BAZ2B: variants seen among roughly 807,000 people sequenced by gnomAD.
BAZ2B encodes the protein bromodomain adjacent to zinc finger domain protein 2B.
A neutral mutation model predicts 246.0 loss-of-function variants in BAZ2B; 91 were observed. That is an observed-to-expected ratio of 0.37 (90% CI 0.31 to 0.44). The LOEUF (loss-of-function observed/expected upper bound fraction) is 0.44. Ranked by LOEUF, BAZ2B falls within the 20% of genes least tolerant of loss-of-function variation. BAZ2B has a pLI of 1.00. For missense variants in BAZ2B, 2,332 were observed against 2,533.7 expected (o/e 0.92, Z 1.71); for synonymous variants, 855 against 860.0 (o/e 0.99, Z 0.10).
the BAZ2B span, among the ~76,000 whole-genome samples, chr2:159,657,240 C>G: frequency 0.02 from 3,056 of 152,206 alleles, 62 homozygotes; most frequent in Non-Finnish European, 0.026. Context: ...ATTGAAAGGA[C>G]TATCCTTTCT....
chr2:159,450,387 A>C (rs2074901078), intron 4 of BAZ2B, among the ~76,000 whole-genome samples: 1 of 152,008 alleles, frequency 6.6e-6, no homozygotes, highest in East Asian at 1.9e-4. Context: ...AGAAAAAAAA[A>C]AAAAAAGTAA....
intron 3 of BAZ2B, among the ~76,000 whole-genome samples, chr2:159,469,520 C>T (rs13005222): frequency 2.6e-5 from 4 of 152,174 alleles, no homozygotes; most frequent in African/African-American, 9.7e-5. Context: ...AATGCAACCT[C>T]TGCCTCCCAG....
At chr2:159,486,594 C>A (rs1559588981) in intron 2 of BAZ2B, among the ~76,000 whole-genome samples, 1 of 143,904 alleles carries the variant, frequency 6.9e-6, no homozygotes, top group East Asian at 2.0e-4. Flanking sequence ...TTTTCTTCTT[C>A]TTTTTTTTTT....
intron 1 of BAZ2B, among the ~76,000 whole-genome samples, chr2:159,584,489 G>C (rs1687597558): frequency 6.6e-6 from 1 of 152,204 alleles, no homozygotes; most frequent in Non-Finnish European, 1.5e-5. Flanking sequence ...AGGAGCAGAA[G>C]CCCTAGAAGG....
the BAZ2B span, among the ~76,000 whole-genome samples, chr2:159,667,922 A>G: frequency 6.6e-6 from 1 of 152,054 alleles, no homozygotes; most frequent in Non-Finnish European, 1.5e-5. Context: ...TTCTCTCAAA[A>G]TGGTCTACTG....
At chr2:159,370,906 A>C (rs923985638) in intron 27 of BAZ2B, among the ~76,000 whole-genome samples, 1 of 149,376 alleles carries the variant, frequency 6.7e-6, no homozygotes, top group Admixed American at 6.7e-5. Context: ...CCTGGCTTCA[A>C]GCGATTCTCC....
intron 5 of BAZ2B, 63 bp from the exon 6 acceptor site, chr2:159,447,038 TAC>T: frequency 8.3e-7 from 1 of 1,211,850 alleles, no homozygotes; most frequent in Non-Finnish European, 1.1e-6. Flanking sequence ...AAAAATGAAG[TAC>T]AGATATATGT....
chr2:159,599,949 AAAAAG>A (rs1476064881), intron 1 of BAZ2B, among the ~76,000 whole-genome samples: 3 of 151,558 alleles, frequency 2.0e-5, no homozygotes, highest in African/African-American at 4.8e-5. Flanking sequence ...AAAAAAAAAA[AAAAAG>A]AAAAGAAAAA....
At chr2:159,433,823 C>T (rs1441144564) in intron 8 of BAZ2B, 1 of 155,638 alleles carries the variant, frequency 6.4e-6, no homozygotes, top group African/African-American at 2.4e-5. Context: ...CTCAGCTTGC[C>T]ATGGGGTGAC....
the BAZ2B span, among the ~76,000 whole-genome samples, chr2:159,633,597 C>T: frequency 6.6e-6 from 1 of 152,016 alleles, no homozygotes; most frequent in African/African-American, 2.4e-5. Context: ...CTAAAATGGT[C>T]TTTTTTAGGG....
At chr2:159,467,941 G>C (rs570102358) in intron 3 of BAZ2B, among the ~76,000 whole-genome samples, 1 of 152,302 alleles carries the variant, frequency 6.6e-6, no homozygotes, top group East Asian at 1.9e-4. Context: ...TCAACTAAAG[G>C]TGCAAGAGGT....
At chr2:159,400,469 T>C (rs1031697545) in intron 17 of BAZ2B, 130 bp downstream of exon 17, 4 of 606,456 alleles carry the variant, frequency 6.6e-6, no homozygotes, top group Non-Finnish European at 1.2e-5. Flanking sequence ...TTTTATTCTA[T>C]GCAGAATGTT....
intron 6 of BAZ2B, 94 bp downstream of exon 6, chr2:159,446,688 A>C: frequency 8.1e-7 from 1 of 1,240,222 alleles, no homozygotes; most frequent in Non-Finnish European, 1.1e-6. Flanking sequence ...GTAATTCATA[A>C]GAAATTAAAC....
At chr2:159,330,220 T>G (rs1355895799) in intron 34 of BAZ2B, among the ~76,000 whole-genome samples, 1 of 152,222 alleles carries the variant, frequency 6.6e-6, no homozygotes, top group Non-Finnish European at 1.5e-5. Flanking sequence ...ATTTATGACC[T>G]TATTTGATCT....
chr2:159,384,742 C>T (rs539962589), intron 23 of BAZ2B, among the ~76,000 whole-genome samples: 16 of 151,942 alleles, frequency 1.1e-4, no homozygotes, highest in Non-Finnish European at 1.8e-4. Flanking sequence ...AAAGTGGCTA[C>T]GTAATTCTGT....
intron 9 of BAZ2B, 87 bp from the exon 10 acceptor site, chr2:159,431,243 C>T (rs2150168623): frequency 6.7e-7 from 1 of 1,482,462 alleles, no homozygotes; most frequent in Non-Finnish European, 8.9e-7. Context: ...AGCTCAGGAA[C>T]CAGCACCTGT....
At position 159,344,531 on chromosome 2, in the gene BAZ2B, T is replaced by C. The variant is rs1315283543; in HGVS notation, c.5454+2955A>G. 5.4e-3 allele frequency among the ~76,000 whole-genome samples: 168 copies of C among 31,290 alleles called. 1 individual carries two copies. Among genetic ancestry groups the C allele is most frequent in the African/African-American group, 9.9e-3 (158 of 15,884 alleles). The allele number at this position is 31,290 out of a possible 152,430, so 20.5% of individuals were successfully genotyped here. ...CCCGGGCAACAAGAGTGAAACTCCGTCTCAAAAAAAAAAAAAGAAAAGAAA... is the reference window on the plus strand; with the variant it reads ...CCCGGGCAACAAGAGTGAAACTCCGCCTCAAAAAAAAAAAAAGAAAAGAAA... On this transcript the variant is annotated intron_variant, in intron 31 of 36. Transcript: ENST00000392783.
At chr2:159,611,422 T>C (rs570873492) in intron 1 of BAZ2B, among the ~76,000 whole-genome samples, 2 of 151,914 alleles carry the variant, frequency 1.3e-5, no homozygotes, top group East Asian at 3.9e-4. Flanking sequence ...TTTTAAGGAG[T>C]TGTATGGCTA....
At chr2:159,339,548 C>G (rs1559010261) in intron 31 of BAZ2B, among the ~76,000 whole-genome samples, 2 of 152,136 alleles carry the variant, frequency 1.3e-5, no homozygotes, top group Admixed American at 1.3e-4. Context: ...ACCATACGAT[C>G]TAGCAATTCC....
Sources: gnomAD v4.1 joint callset for allele counts (sites outside exome capture counted in the v4.1 genomes callset) on GRCh38, gnomAD v4.1.1 for gene constraint, MANE v1.5 for transcripts, NCBI Gene and HGNC (gene_info 2026-07-23, HGNC 2026-07-21) for gene names.